TENM2: variants seen among roughly 807,000 people sequenced by gnomAD.
TENM2 encodes the protein teneurin transmembrane protein 2, also known as teneurin-2.
A neutral mutation model predicts 245.2 loss-of-function variants in TENM2; 52 were observed. The ratio of observed to expected loss-of-function variants is 0.21; its 90% CI spans 0.17 to 0.27. The LOEUF (loss-of-function observed/expected upper bound fraction) is 0.27, where lower values mean the gene tolerates loss of function less well. TENM2 is among the 10% of genes least tolerant of loss of function. The probability of loss-of-function intolerance (pLI) is 1.00; values close to 1 mark genes in which losing one functional copy is unlikely to be tolerated. For missense variants in TENM2, 3,046 were observed against 3,666.8 expected (o/e 0.83, Z 4.37); for synonymous variants, 1,363 against 1,438.9 (o/e 0.95, Z 1.19).
intron 9 of TENM2, among the ~76,000 whole-genome samples, chr5:168,105,806 G>GT (rs1418164332): frequency 6.6e-6 from 1 of 152,124 alleles, no homozygotes; most frequent in Non-Finnish European, 1.5e-5. Flanking sequence ...TTATTCTACG[G>GT]TTTTTTGTTA....
chr5:167,229,161 C>T, the TENM2 span, among the ~76,000 whole-genome samples: 2 of 152,098 alleles, frequency 1.3e-5, no homozygotes, highest in African/African-American at 2.4e-5. Context: ...CAGTGGTGTC[C>T]GTGATTTTGT....
intron 3 of TENM2, among the ~76,000 whole-genome samples, chr5:167,929,061 GA>G (rs778106539): frequency 1.6e-4 from 1 of 6,260 alleles, no homozygotes; most frequent in African/African-American, 3.9e-4. Flanking sequence ...AAGAAAGAGA[GA>G]AAGAAAGAAA....
At chr5:166,986,343 A>G in the TENM2 span, among the ~76,000 whole-genome samples, 6 of 152,126 alleles carry the variant, frequency 3.9e-5, no homozygotes, top group South Asian at 1.2e-3. Context: ...CTCTTTTTTT[A>G]CTCTGCTCTC....
chr5:167,810,311 G>A (rs371384716), intron 2 of TENM2, among the ~76,000 whole-genome samples: 6 of 152,010 alleles, frequency 3.9e-5, no homozygotes, highest in Admixed American at 2.0e-4. Flanking sequence ...ACTAAATCAC[G>A]GTGTTAGTGG....
Position 168,184,629 on chromosome 5 carries a change from A to G in TENM2, c.2570-5708A>G, listed in dbSNP as rs546138981. 5.9e-5 allele frequency among the ~76,000 whole-genome samples: 9 copies of G among 152,312 alleles called. No homozygotes were observed. The South Asian group carries it at 1.9e-3, about 32-fold the overall frequency. On this transcript the variant is annotated intron_variant, in intron 13 of 28. Transcript: ENST00000518659. ...CTTCTCATTCCCTGAGCCATTTCCT[A>G]TGAGAATGATGATGCAAGAATTCAC...
At chr5:168,256,206 A>G (rs982089458) in intron 27 of TENM2, among the ~76,000 whole-genome samples, 4 of 151,788 alleles carry the variant, frequency 2.6e-5, no homozygotes, top group African/African-American at 9.7e-5. Flanking sequence ...TGGCAAATAT[A>G]TATATATGTC....
the TENM2 span, among the ~76,000 whole-genome samples, chr5:167,169,726 C>A: frequency 6.6e-6 from 1 of 152,156 alleles, no homozygotes; most frequent in Non-Finnish European, 1.5e-5. Flanking sequence ...AATTATTTTT[C>A]TGAAAGTTAA....
intron 1 of TENM2, among the ~76,000 whole-genome samples, chr5:167,308,870 G>A (rs1755844493): frequency 6.6e-6 from 1 of 152,162 alleles, no homozygotes; most frequent in South Asian, 2.1e-4. Flanking sequence ...TACCACGTTG[G>A]AGACGAACAA....
chr5:167,162,366 G>A, the TENM2 span, among the ~76,000 whole-genome samples: 1 of 152,004 alleles, frequency 6.6e-6, no homozygotes, highest in Non-Finnish European at 1.5e-5. Context: ...GGTGGCTCAG[G>A]CCTGTAATCC....
chr5:167,654,607 A>G (rs754382064), intron 2 of TENM2, among the ~76,000 whole-genome samples: 7 of 147,084 alleles, frequency 4.8e-5, no homozygotes, highest in Non-Finnish European at 9.0e-5. Context: ...TTTTTTTTAC[A>G]TTTACTTCAT....
intron 5 of TENM2, among the ~76,000 whole-genome samples, chr5:168,021,003 A>C (rs982366146): frequency 6.6e-6 from 1 of 152,260 alleles, no homozygotes; most frequent in Non-Finnish European, 1.5e-5. Context: ...GAATTGTCTC[A>C]CAAGCATATT....
rs138896303 is a variant in TENM2, at chr5:168,152,836, G to A, written c.2423-9775G>A. ...GTATCTGCTTCTTACAAGTTGAAAG[G>A]CACAAACCCACATCCGCATTCATAC... On this transcript the variant is annotated intron_variant, in intron 12 of 28. Coordinates refer to ENST00000518659, the Ensembl canonical transcript of TENM2. Among the ~76,000 whole-genome samples, 51 of 152,232 alleles carry A rather than the reference G, an allele frequency of 3.4e-4. 1 individual carries two copies. The highest frequency in any genetic ancestry group is 1.2e-3 in the African/African-American group (51 of 41,540).
At chr5:167,796,977 A>G (rs1765370331) in intron 2 of TENM2, among the ~76,000 whole-genome samples, 2 of 151,682 alleles carry the variant, frequency 1.3e-5, no homozygotes, top group Non-Finnish European at 2.9e-5. Flanking sequence ...TATCGGAGTC[A>G]TAGCTCTATG....
At chr5:168,025,739 A>G (rs949214163) in intron 5 of TENM2, among the ~76,000 whole-genome samples, 30 of 152,180 alleles carry the variant, frequency 2.0e-4, no homozygotes, top group Admixed American at 1.5e-3. Flanking sequence ...CCGCCATTGA[A>G]GATGTGTTGG....
intron 4 of TENM2, 92 bp downstream of exon 6, chr5:167,952,914 C>G: frequency 9.7e-7 from 1 of 1,025,658 alleles, no homozygotes; most frequent in Non-Finnish European, 1.5e-6. Context: ...GAGTTCCAGT[C>G]GGAGAGACCC....
At chr5:168,196,642 A>G (rs1761453392) in intron 15 of TENM2, among the ~76,000 whole-genome samples, 1 of 152,122 alleles carries the variant, frequency 6.6e-6, no homozygotes, top group Non-Finnish European at 1.5e-5. Context: ...TTGTATTTTT[A>G]GTAGAGACGG....
chr5:167,375,130 A>C, intron 1 of TENM2, 68 bp from the exon 4 acceptor site: 1 of 1,494,426 alleles, frequency 6.7e-7, no homozygotes, highest in Non-Finnish European at 9.0e-7. Flanking sequence ...CTTTTTTGTA[A>C]GGATAAATTT....
intron 1 of TENM2, among the ~76,000 whole-genome samples, chr5:167,337,998 G>A (rs1362526746): frequency 1.3e-5 from 2 of 152,174 alleles, no homozygotes; most frequent in Non-Finnish European, 2.9e-5. Flanking sequence ...GTAGACATTT[G>A]TAATACAATC....
At chr5:167,717,983 A>C (rs1759380169) in intron 2 of TENM2, among the ~76,000 whole-genome samples, 1 of 152,200 alleles carries the variant, frequency 6.6e-6, no homozygotes, top group Admixed American at 6.5e-5. Context: ...GCTAATTCCC[A>C]AAGGAGATTT....
Sources: gnomAD v4.1 joint callset for allele counts (sites outside exome capture counted in the v4.1 genomes callset) on GRCh38, gnomAD v4.1.1 for gene constraint, MANE v1.5 for transcripts, NCBI Gene and HGNC (gene_info 2026-07-23, HGNC 2026-07-21) for gene names.